Variants in CHRDL1 observed in about 807,000 individuals in gnomAD.
CHRDL1 encodes the protein chordin-like protein 1.
CHRDL1 carries 19 observed loss-of-function variants against 40.9 expected under a neutral mutation model. The observed-to-expected ratio is 0.46, with a 90% confidence interval of 0.32 to 0.68. The LOEUF (loss-of-function observed/expected upper bound fraction) is 0.68. CHRDL1 is among the 30% of genes least tolerant of loss of function. The pLI is 0.03. For missense variants in CHRDL1, 329 were observed against 352.1 expected (o/e 0.93, Z 0.53); for synonymous variants, 136 against 123.4 (o/e 1.10, Z -0.68).
At chrX:110,749,318 A>G (rs1377180450) in intron 4 of CHRDL1, among the ~76,000 whole-genome samples, 1 of 110,736 alleles carries the variant, frequency 9.0e-6, no homozygotes, top group Non-Finnish European at 1.9e-5. Flanking sequence ...AATAACCTCA[A>G]CTCCCAAGTT....
intron 2 of CHRDL1, among the ~76,000 whole-genome samples, chrX:110,778,639 T>C (rs1165104574): frequency 1.8e-5 from 2 of 111,842 alleles, no homozygotes; most frequent in Admixed American, 1.9e-4. Context: ...GGGAAGGTTA[T>C]ACACTGCTGG....
intron 7 of CHRDL1, among the ~76,000 whole-genome samples, chrX:110,695,941 C>T (rs1429646178): frequency 8.9e-6 from 1 of 112,188 alleles, no homozygotes; most frequent in East Asian, 2.8e-4. Context: ...AAATTTGCAT[C>T]AGTTTGTTTT....
rs1446131893 is a variant in CHRDL1, at chrX:110,714,093, C to T, written c.541+5742G>A. ...TAGGTTTGAGGATACCTATGAAAGT[C>T]TGTTACATAGGTAAACTCCTGTCAT... On this transcript the variant is annotated intron_variant, in intron 6 of 11. Coordinates refer to ENST00000372042, the MANE Select transcript of CHRDL1 (RefSeq NM_001143981.2). Among the ~76,000 whole-genome samples the T allele has an allele frequency of 2.7e-5, 3 of 110,465 alleles. No homozygotes were observed. In the East Asian group the frequency reaches 8.5e-4, roughly 31 times the overall value.
At chrX:110,764,550 T>G (rs749003608) in intron 2 of CHRDL1, among the ~76,000 whole-genome samples, 24 of 112,212 alleles carry the variant, frequency 2.1e-4, no homozygotes, top group Non-Finnish European at 3.4e-4. Flanking sequence ...ACAAATTGAC[T>G]GTAAAACATG....
At chrX:110,721,328 A>T in intron 5 of CHRDL1, 57 bp downstream of exon 5, 1 of 1,071,189 alleles carries the variant, frequency 9.3e-7, no homozygotes. Flanking sequence ...ACAAGTACAG[A>T]GGAAGCTCTT....
intron 3 of CHRDL1, 26 bp downstream of exon 3, chrX:110,762,668 GA>G: frequency 1.1e-6 from 1 of 893,517 alleles, no homozygotes; most frequent in Middle Eastern, 2.7e-4. Flanking sequence ...AGCAAACTGG[GA>G]AATCACATGT....
chrX:110,764,502 C>T (rs935948940), intron 2 of CHRDL1, among the ~76,000 whole-genome samples: 7 of 112,312 alleles, frequency 6.2e-5, no homozygotes, highest in Non-Finnish European at 1.1e-4. Flanking sequence ...TAAGGATGTA[C>T]ATCACCTCAG....
At chrX:110,783,971 T>C (rs2089980618) in intron 2 of CHRDL1, among the ~76,000 whole-genome samples, 1 of 112,106 alleles carries the variant, frequency 8.9e-6, no homozygotes, top group South Asian at 3.7e-4. Flanking sequence ...TACAATAATA[T>C]TTATTCTATT....
At chrX:110,772,326 G>C (rs1204117485) in intron 2 of CHRDL1, among the ~76,000 whole-genome samples, 1 of 112,856 alleles carries the variant, frequency 8.9e-6, no homozygotes, top group Non-Finnish European at 1.9e-5. Flanking sequence ...AAAGAAACAT[G>C]TCAGAGACTT....
chrX:110,716,811 T>C (rs1158471395), intron 6 of CHRDL1, among the ~76,000 whole-genome samples: 1 of 111,382 alleles, frequency 9.0e-6, no homozygotes, highest in African/African-American at 3.3e-5. Flanking sequence ...AAAAAGAATT[T>C]TCCAGAAAGA....
At chrX:110,715,156 G>A (rs757935612) in intron 6 of CHRDL1, among the ~76,000 whole-genome samples, 10 of 111,211 alleles carry the variant, frequency 9.0e-5, no homozygotes, top group Admixed American at 1.9e-4. Flanking sequence ...GACAATACAT[G>A]GCCAGTAATA....
At chrX:110,709,128 C>T (rs746907398) in intron 6 of CHRDL1, among the ~76,000 whole-genome samples, 1 of 112,397 alleles carries the variant, frequency 8.9e-6, no homozygotes, top group Non-Finnish European at 1.9e-5. Context: ...AAAATGGAGA[C>T]AATAATGCCT....
chrX:110,709,270 C>G (rs774918092), intron 6 of CHRDL1, among the ~76,000 whole-genome samples: 4 of 112,347 alleles, frequency 3.6e-5, no homozygotes, highest in Non-Finnish European at 5.6e-5. Flanking sequence ...GCCTCCACTT[C>G]TTTTTCCTCC....
intron 4 of CHRDL1, among the ~76,000 whole-genome samples, chrX:110,738,729 G>A (rs1166721487): frequency 1.0e-5 from 1 of 99,666 alleles, no homozygotes. Flanking sequence ...GTGACAGAGT[G>A]AGACTCCTTC....
At chrX:110,687,938 T>G (rs1205257598) in intron 9 of CHRDL1, among the ~76,000 whole-genome samples, 1 of 112,042 alleles carries the variant, frequency 8.9e-6, no homozygotes, top group Non-Finnish European at 1.9e-5. Flanking sequence ...GGGCTGGAAG[T>G]GACTTGGGTT....
intron 9 of CHRDL1, among the ~76,000 whole-genome samples, chrX:110,683,852 T>C (rs192120261): frequency 8.2e-4 from 92 of 111,734 alleles, no homozygotes; most frequent in African/African-American, 2.6e-3. Context: ...AAATGCTATA[T>C]AAACTGCATG....
In CHRDL1 at chrX:110,674,955, A is replaced by ATTCTT. The variant is rs1325563310; in HGVS notation, c.*1271_*1275dup. ...CATTTTAGGAGCAGCCTTCTCTGGA[A>ATTCTT]TTCTTGACTAAAATATCTGCTTGAT... is the stretch of plus-strand genomic sequence containing the variant. On this transcript the variant is annotated 3_prime_UTR_variant, in exon 12 of 12. Transcript: ENST00000372042. 8.9e-6 allele frequency: 1 copy of ATTCTT among 112,164 alleles called. No individual in the cohort carries two copies. The highest frequency in any genetic ancestry group is 3.2e-5 in the African/African-American group (1 of 30,874). 9.2% of individuals were successfully genotyped at this position (112,164 alleles called of 1,213,427 possible).
At chrX:110,683,373 T>C (rs2069941941) in intron 9 of CHRDL1, among the ~76,000 whole-genome samples, 1 of 112,246 alleles carries the variant, frequency 8.9e-6, no homozygotes, top group African/African-American at 3.2e-5. Flanking sequence ...TCATTTTCTT[T>C]TGGGGAAGAC....
At chrX:110,702,549 C>T (rs1308960949) in intron 6 of CHRDL1, among the ~76,000 whole-genome samples, 1 of 111,574 alleles carries the variant, frequency 9.0e-6, no homozygotes, top group Non-Finnish European at 1.9e-5. Flanking sequence ...CTCTAGGTTA[C>T]CTGGCTCCCA....
Sources: gnomAD v4.1 joint callset for allele counts (sites outside exome capture counted in the v4.1 genomes callset) on GRCh38, gnomAD v4.1.1 for gene constraint, MANE v1.5 for transcripts, NCBI Gene and HGNC (gene_info 2026-07-23, HGNC 2026-07-21) for gene names.